Variants in CACNA1D observed in about 807,000 individuals in gnomAD.
CACNA1D encodes voltage-dependent L-type calcium channel subunit alpha-1D.
CACNA1D carries 55 observed loss-of-function variants against 257.1 expected under a neutral mutation model. The observed-to-expected ratio is 0.21, with a 90% confidence interval of 0.17 to 0.27. CACNA1D has a LOEUF of 0.27. Among genes scored for constraint, CACNA1D ranks in the 10% least tolerant of loss-of-function variants. The pLI, the probability that CACNA1D is intolerant of heterozygous loss-of-function variation, is 1.00. For missense variants in CACNA1D, 1,876 were observed against 2,784.0 expected (o/e 0.67, Z 7.34); for synonymous variants, 980 against 1,014.9 (o/e 0.97, Z 0.65).
intron 3 of CACNA1D, among the ~76,000 whole-genome samples, chr3:53,602,801 T>C (rs553898580): frequency 6.6e-6 from 1 of 152,382 alleles, no homozygotes; most frequent in African/African-American, 2.4e-5. Flanking sequence ...TTGGGCTTTT[T>C]TTTCCCCCTA....
chr3:53,719,418 T>C (rs2094857921), intron 10 of CACNA1D, among the ~76,000 whole-genome samples: 2 of 152,196 alleles, frequency 1.3e-5, no homozygotes, highest in South Asian at 4.1e-4. Flanking sequence ...GTGCTCCCTC[T>C]GCGGTAGTAG....
In CACNA1D at chr3:53,673,842, C is replaced by A; in HGVS notation, c.1220+716C>A. 6.9e-7 allele frequency: 1 copy of A among 1,445,684 alleles called. No individual in the cohort carries two copies. The highest frequency in any genetic ancestry group is 9.7e-7 in the Non-Finnish European group (1 of 1,026,256). 89.6% of individuals were successfully genotyped at this position (1,445,684 alleles called of 1,614,324 possible). A position where few individuals can be genotyped will look rare whatever the true frequency, so the allele number is the denominator to read the frequency against. ...GTAAGCAGTCGGATCCGTGTTGCAC[C>A]TTCTCCTGCTGCCACGTGTGAGGCA... is the stretch of plus-strand genomic sequence containing the variant. On this transcript the variant is annotated intron_variant, in intron 8 of 47. Transcript: ENST00000350061. This position sits in a 1 kb window ranked among gnomAD's most constrained non-coding sequence, Gnocchi z 4.1.
intron 3 of CACNA1D, among the ~76,000 whole-genome samples, chr3:53,640,527 T>C (rs1483162101): frequency 6.6e-6 from 1 of 152,168 alleles, no homozygotes; most frequent in Non-Finnish European, 1.5e-5. Flanking sequence ...TCTGCTTTGG[T>C]ACTGTGAGGG....
chr3:53,532,480 A>G (rs1466203619), intron 3 of CACNA1D, among the ~76,000 whole-genome samples: 1 of 152,218 alleles, frequency 6.6e-6, no homozygotes, highest in East Asian at 1.9e-4. Flanking sequence ...TGCGTGAGCA[A>G]AATTTGGAGA....
At chr3:53,634,509 G>GGT (rs1239087948) in intron 3 of CACNA1D, among the ~76,000 whole-genome samples, 1 of 152,098 alleles carries the variant, frequency 6.6e-6, no homozygotes, top group Non-Finnish European at 1.5e-5. Context: ...GGTGTGAATG[G>GGT]GTGTGTGTGT....
At chr3:53,702,903 T>TCCCACTCA in intron 9 of CACNA1D, 93 bp downstream of exon 9, 3 of 1,375,434 alleles carry the variant, frequency 2.2e-6, no homozygotes, top group Non-Finnish European at 3.1e-6. Flanking sequence ...ACCCAGGCTG[T>TCCCACTCA]GAGTGGGACA....
intron 30 of CACNA1D, among the ~76,000 whole-genome samples, chr3:53,766,370 G>A (rs2108976106): frequency 6.6e-6 from 1 of 152,326 alleles, no homozygotes; most frequent in East Asian, 1.9e-4. Flanking sequence ...CCTCCCAGAG[G>A]TGTTACCTGT....
chr3:53,600,287 G>A (rs747488971), intron 3 of CACNA1D, among the ~76,000 whole-genome samples: 2 of 152,190 alleles, frequency 1.3e-5, no homozygotes, highest in Admixed American at 6.5e-5. Flanking sequence ...CAATTGATAC[G>A]GATGAAGTAT....
At chr3:53,633,442 C>T (rs976154167) in intron 3 of CACNA1D, among the ~76,000 whole-genome samples, 2 of 142,322 alleles carry the variant, frequency 1.4e-5, no homozygotes, top group Non-Finnish European at 3.0e-5. Flanking sequence ...GGAACAGAGA[C>T]TCTGTCTTAA....
chr3:53,734,153 T>C (rs2095033391), intron 19 of CACNA1D, among the ~76,000 whole-genome samples: 1 of 151,168 alleles, frequency 6.6e-6, no homozygotes. Flanking sequence ...CTTCAGGTCC[T>C]CAGGGGGGTA....
chr3:53,677,019 A>G (rs2094383345), intron 8 of CACNA1D, among the ~76,000 whole-genome samples: 1 of 152,244 alleles, frequency 6.6e-6, no homozygotes, highest in African/African-American at 2.4e-5. Context: ...TGCAATTCAG[A>G]CATATTACAC....
chr3:53,718,480 G>C (rs530849577), intron 10 of CACNA1D, 92 bp downstream of exon 10: 51 of 1,250,998 alleles, frequency 4.1e-5, no homozygotes, highest in Non-Finnish European at 5.7e-5. Context: ...GCAGAGCCCC[G>C]GGCCATCGCC....
At position 53,517,595 on chromosome 3, in the gene CACNA1D, T is replaced by C. The variant is rs1465453125; in HGVS notation, c.483+15875T>C. On this transcript the variant is annotated intron_variant, in intron 3 of 47. Coordinates refer to ENST00000350061, the MANE Select transcript of CACNA1D (RefSeq NM_001128840.3). ...GCCTCCCAGGTTCAAGCGATTCTTC[T>C]GCCTCAGCCTCCTGAGTAGCTGGGG... Among the ~76,000 whole-genome samples, 4 of 152,024 alleles carry C rather than the reference T, an allele frequency of 2.6e-5. No individual in the cohort carries two copies. In the East Asian group the frequency reaches 7.7e-4, roughly 29 times the overall value.
chr3:53,737,785 T>C (rs2095073469), intron 20 of CACNA1D, among the ~76,000 whole-genome samples: 1 of 152,220 alleles, frequency 6.6e-6, no homozygotes, highest in African/African-American at 2.4e-5. Flanking sequence ...ATCATGCCAT[T>C]GCATTCCAGC....
At chr3:53,791,272 G>A (rs768335297) in intron 40 of CACNA1D, 2 of 494,320 alleles carry the variant, frequency 4.0e-6, no homozygotes, top group Non-Finnish European at 7.2e-6. Context: ...GAAAGGGAAC[G>A]TACAAAGCTT....
At chr3:53,519,178 C>T (rs906524314) in intron 3 of CACNA1D, among the ~76,000 whole-genome samples, 10 of 152,150 alleles carry the variant, frequency 6.6e-5, no homozygotes, top group Non-Finnish European at 1.0e-4. Flanking sequence ...CTGACCCTTG[C>T]TAGGGTTTGA....
intron 3 of CACNA1D, among the ~76,000 whole-genome samples, chr3:53,581,791 T>A (rs1018224215): frequency 1.3e-5 from 2 of 152,190 alleles, no homozygotes; most frequent in African/African-American, 4.8e-5. Context: ...TCTCTACTAA[T>A]AAGTTAAGAG....
chr3:53,500,253 T>TAAA (rs55823212), intron 2 of CACNA1D, among the ~76,000 whole-genome samples: 7,493 of 40,902 alleles, frequency 0.18, 1,546 homozygotes, highest in Non-Finnish European at 0.25. Context: ...CTGTCTCTAC[T>TAAA]AAAAAAAAAA....
At chr3:53,715,222 T>G (rs1336919616) in intron 9 of CACNA1D, among the ~76,000 whole-genome samples, 2 of 152,196 alleles carry the variant, frequency 1.3e-5, no homozygotes, top group African/African-American at 2.4e-5. Flanking sequence ...GCGTAGGCAC[T>G]GTCCTCTTTC....
Sources: allele counts gnomAD v4.1 joint callset (sites outside exome capture counted in the v4.1 genomes callset), GRCh38; gene constraint gnomAD v4.1.1; non-coding constraint Gnocchi (gnomAD v3.1); transcripts MANE v1.5; gene names NCBI Gene and HGNC (gene_info 2026-07-23, HGNC 2026-07-21).